Variants in GGA1 observed in about 807,000 individuals in gnomAD.
The protein encoded by GGA1 is ADP-ribosylation factor-binding protein GGA1.
Under a neutral mutation model 76.9 loss-of-function variants are expected in GGA1, and 18 were observed. The ratio of observed to expected loss-of-function variants is 0.23; its 90% CI spans 0.16 to 0.35. GGA1 has a LOEUF of 0.35. GGA1 is among the 10% of genes least tolerant of loss of function. The pLI, the probability that GGA1 is intolerant of heterozygous loss-of-function variation, is 1.00. For synonymous variants in GGA1, 342 were observed against 354.7 expected, an observed-to-expected ratio of 0.96 and a Z score of 0.40; for missense variants, 755 against 859.0, an observed-to-expected ratio of 0.88 and a Z score of 1.51.
In GGA1 at chr22:37,632,804, C is replaced by T; in HGVS notation, c.*93C>T. On this transcript the variant is annotated 3_prime_UTR_variant, in exon 17 of 17. Coordinates refer to ENST00000343632, the MANE Select transcript of GGA1 (RefSeq NM_013365.5). This position sits in a 1 kb window ranked among gnomAD's most constrained non-coding sequence, Gnocchi z 5.1. ...GTGGCCAAGGACACCCTTTGTTGCCCATGGCCATTCACCCCCAGGCCTGGT... is the reference window on the plus strand; with the variant it reads ...GTGGCCAAGGACACCCTTTGTTGCCTATGGCCATTCACCCCCAGGCCTGGT... The T allele has an allele frequency of 1.3e-6, 1 of 743,756 alleles. No homozygotes were observed. 46.1% of individuals were successfully genotyped at this position (743,756 alleles called of 1,614,324 possible).
In GGA1 at chr22:37,623,535, C is replaced by T. The variant is rs200523533; in HGVS notation, c.751-17C>T. The stretch of plus-strand genomic sequence containing the variant: ...CAGCCCACGCGGACCCTGACCCGCC[C>T]ATCCTGCTGCCCTCAGGAACTGTAC... On this transcript the variant is annotated splice_polypyrimidine_tract_variant and intron_variant, in intron 8 of 16. Coordinates refer to ENST00000343632, the MANE Select transcript of GGA1 (RefSeq NM_013365.5). This position sits in a 1 kb window ranked among gnomAD's most constrained non-coding sequence, Gnocchi z 4.6. 1.6e-5 allele frequency: 26 copies of T among 1,612,610 alleles called. No homozygotes were observed. In the East Asian group the frequency reaches 5.6e-4, roughly 35 times the overall value.
chr22:37,611,665 C>A (rs1325381877), intron 1 of GGA1, among the ~76,000 whole-genome samples: 1 of 152,164 alleles, frequency 6.6e-6, no homozygotes, highest in East Asian at 1.9e-4. Flanking sequence ...GGGTCAGTCC[C>A]CAGCCTCCTG....
intron 2 of GGA1, among the ~76,000 whole-genome samples, chr22:37,615,149 A>G (rs1386710645): frequency 6.6e-6 from 1 of 151,562 alleles, no homozygotes; most frequent in East Asian, 2.0e-4. Context: ...TCATCTCTTA[A>G]AAAATAAAAA....
chr22:37,608,859 G>T lies in GGA1; in HGVS notation c.-2G>T, dbSNP rs571241611. The T allele has an allele frequency of 7.6e-7, 1 of 1,307,420 alleles. No homozygotes were observed. The highest frequency in any genetic ancestry group is 2.3e-5 in the South Asian group (1 of 44,070). 81.0% of individuals were successfully genotyped at this position (1,307,420 alleles called of 1,614,324 possible). A position where few individuals can be genotyped will look rare whatever the true frequency, so the allele number is the denominator to read the frequency against. Reference sequence around the variant, plus strand: ...GGTGCCGAGGCTGGGGGCCGGTGGCGGATGGAGCCCGCGATGGAGCCGGAG... The same window carrying T: ...GGTGCCGAGGCTGGGGGCCGGTGGCTGATGGAGCCCGCGATGGAGCCGGAG... On this transcript the variant is annotated 5_prime_UTR_variant, in exon 1 of 17. Transcript: ENST00000343632.
Position 37,625,960 on chromosome 22 carries a change from G to A in GGA1, c.1093+11G>A. On this transcript the variant is annotated intron_variant, in intron 11 of 16. Coordinates refer to ENST00000343632, the MANE Select transcript of GGA1 (RefSeq NM_013365.5). The surrounding 1 kb of genome is among the most constrained non-coding windows in gnomAD (Gnocchi z 4.1). Reference sequence around the variant, plus strand: ...AGCTCATGTCTCTGGGTGAGGAAGGGGCCAGGCCTGGAGGAGGGCGGGCTC... The same window carrying A: ...AGCTCATGTCTCTGGGTGAGGAAGGAGCCAGGCCTGGAGGAGGGCGGGCTC... The A allele has an allele frequency of 6.3e-7, 1 of 1,576,494 alleles. No individual in the cohort carries two copies. The highest frequency in any genetic ancestry group is 8.6e-7 in the Non-Finnish European group (1 of 1,160,844).
intron 4 of GGA1, 125 bp downstream of exon 4, chr22:37,618,671 T>C (rs1429182999): frequency 8.0e-6 from 5 of 628,542 alleles, no homozygotes; most frequent in Middle Eastern, 2.5e-4. Flanking sequence ...AGCCCCCCAT[T>C]AGAACTCAGA....
In GGA1 at chr22:37,624,686, G is replaced by A; in HGVS notation, c.833-283G>A. On this transcript the variant is annotated intron_variant, in intron 9 of 16. Transcript: ENST00000343632. The surrounding 1 kb of genome is among the most constrained non-coding windows in gnomAD (Gnocchi z 4.3). ...GGGATGAAGCCATGCAGAGATCTGG[G>A]GCAGCCAGAGAGCAGAGCTGGAGTG... 1 of 375,644 alleles carries A rather than the reference G, an allele frequency of 2.7e-6. No individual in the cohort carries two copies. Among genetic ancestry groups the A allele is most frequent in the Non-Finnish European group, 5.2e-6 (1 of 193,838 alleles). The allele number at this position is 375,644 out of a possible 1,614,324, so 23.3% of individuals were successfully genotyped here.
chr22:37,612,164 AT>A (rs1280829515), intron 1 of GGA1, among the ~76,000 whole-genome samples: 1 of 151,244 alleles, frequency 6.6e-6, no homozygotes. Flanking sequence ...TCAAAAAAAA[AT>A]AAAAATAAAA....
intron 7 of GGA1, among the ~76,000 whole-genome samples, chr22:37,622,578 C>T (rs150179500): frequency 1.7e-4 from 26 of 151,888 alleles, no homozygotes; most frequent in Admixed American, 1.2e-3. Context: ...CTACAGCGCC[C>T]GGCTAATTTT....
chr22:37,618,445 C>T lies in GGA1; in HGVS notation c.205-3C>T. On this transcript the variant is annotated splice_polypyrimidine_tract_variant and splice_region_variant and intron_variant, in intron 3 of 16. Transcript: ENST00000343632. The stretch of plus-strand genomic sequence containing the variant: ...TCCCCTCCCATCCCCCCTCCCTGCA[C>T]AGGTGCTGGAAACATGCATGAAGAG... 3 of 1,600,588 alleles carry T rather than the reference C, an allele frequency of 1.9e-6. No homozygotes were observed. Among genetic ancestry groups the T allele is most frequent in the Non-Finnish European group, 2.6e-6 (3 of 1,167,890 alleles).
rs760895258 is a variant in GGA1 at position 37,618,442 on chromosome 22, G to A, written c.205-6G>A. The A allele has an allele frequency of 2.5e-6, 4 of 1,593,540 alleles. No individual in the cohort carries two copies. Among genetic ancestry groups the A allele is most frequent in the Middle Eastern group, 3.3e-4 (2 of 6,022 alleles). ...GCGTCCCCTCCCATCCCCCCTCCCT[G>A]CACAGGTGCTGGAAACATGCATGAA... On this transcript the variant is annotated splice_polypyrimidine_tract_variant and splice_region_variant and intron_variant, in intron 3 of 16. Transcript: ENST00000343632.
intron 13 of GGA1, among the ~76,000 whole-genome samples, chr22:37,630,501 C>T (rs1247416566): frequency 2.0e-5 from 3 of 152,138 alleles, no homozygotes; most frequent in Non-Finnish European, 2.9e-5. Context: ...AGGTAAGACC[C>T]AAGGCCAGAG....
chr22:37,623,811 C>G lies in GGA1; in HGVS notation c.832+178C>G, dbSNP rs895618984. The G allele has an allele frequency of 1.9e-5, 11 of 589,192 alleles. No individual in the cohort carries two copies. Among genetic ancestry groups the G allele is most frequent in the South Asian group, 6.0e-5 (3 of 50,298 alleles). 36.5% of individuals were successfully genotyped at this position (589,192 alleles called of 1,614,324 possible). On this transcript the variant is annotated intron_variant, in intron 9 of 16. Coordinates refer to ENST00000343632, the MANE Select transcript of GGA1 (RefSeq NM_013365.5). This position sits in a 1 kb window ranked among gnomAD's most constrained non-coding sequence, Gnocchi z 4.6. The stretch of plus-strand genomic sequence containing the variant: ...GAGGACACAGAGCAGGGGCCGCCCC[C>G]CTGTTGAGAGGCCCTGTGGGCCAGC...
rs1929204146 is a variant in GGA1 at position 37,618,337 on chromosome 22, T to G, written c.205-111T>G. 3 of 648,358 alleles carry G rather than the reference T, an allele frequency of 4.6e-6. No homozygotes were observed. In the East Asian group the frequency reaches 8.2e-5, roughly 18 times the overall value. 40.2% of individuals were successfully genotyped at this position (648,358 alleles called of 1,614,324 possible). A position where few individuals can be genotyped will look rare whatever the true frequency, so the allele number is the denominator to read the frequency against. On this transcript the variant is annotated intron_variant, in intron 3 of 16. Coordinates refer to ENST00000343632, the MANE Select transcript of GGA1 (RefSeq NM_013365.5). ...TCTTCCAACCTCACAGGCCATTCCC[T>G]CCCTTCTGAAAGCCCACCCATGGGC...
chr22:37,629,657 G>A, intron 12 of GGA1, 131 bp downstream of exon 12: 1 of 607,650 alleles, frequency 1.6e-6, no homozygotes, highest in Non-Finnish European at 2.8e-6. Context: ...GGTGGCCCAG[G>A]GGCCTGGAGA....
At chr22:37,617,239 C>A in intron 3 of GGA1, 2 of 1,372,478 alleles carry the variant, frequency 1.5e-6, no homozygotes, top group Non-Finnish European at 1.9e-6. Context: ...GTCATCTGGT[C>A]CAGGGGTTCT....
In GGA1 at chr22:37,623,747, G is replaced by GC. The variant is rs1254417925; in HGVS notation, c.832+119dup. On this transcript the variant is annotated intron_variant, in intron 9 of 16. Coordinates refer to ENST00000343632, the MANE Select transcript of GGA1 (RefSeq NM_013365.5). The surrounding 1 kb of genome is among the most constrained non-coding windows in gnomAD (Gnocchi z 4.6). ...AGTTGGAAGGAGCCACCACCAGGGG[G>GC]CCCCCTTCTCCAGCACCGACCTTGG... is the stretch of plus-strand genomic sequence containing the variant. 6 of 762,306 alleles carry GC rather than the reference G, an allele frequency of 7.9e-6. No homozygotes were observed. In the East Asian group the frequency reaches 1.4e-4, roughly 17 times the overall value. The allele number at this position is 762,306 out of a possible 1,614,324, so 47.2% of individuals were successfully genotyped here.
Position 37,612,984 on chromosome 22 carries a change from C to T in GGA1, c.44-1206C>T, listed in dbSNP as rs1012741302. 7.1e-6 allele frequency: 7 copies of T among 985,304 alleles called. No homozygotes were observed. In the African/African-American group the frequency reaches 1.2e-4, roughly 17 times the overall value. 61.0% of individuals were successfully genotyped at this position (985,304 alleles called of 1,614,324 possible). ...ATTCAGTCTTCCCCAGAACCTCACC[C>T]TTTGCCTGCCCTCAGCTGACTGCTC... On this transcript the variant is annotated intron_variant, in intron 1 of 16. Transcript: ENST00000343632.
At chr22:37,618,361 G>T (rs1929208350) in intron 3 of GGA1, 87 bp from the exon 4 acceptor site, 1 of 736,998 alleles carries the variant, frequency 1.4e-6, no homozygotes, top group Non-Finnish European at 2.4e-6. Flanking sequence ...CCACCCATGG[G>T]CTTCTGGCCC....
Sources: gnomAD v4.1 joint callset for allele counts (sites outside exome capture counted in the v4.1 genomes callset) on GRCh38, gnomAD v4.1.1 for gene constraint, Gnocchi (gnomAD v3.1) non-coding constraint, MANE v1.5 for transcripts, NCBI Gene and HGNC (gene_info 2026-07-23, HGNC 2026-07-21) for gene names.